Variants in GLRA1 observed in about 807,000 individuals in gnomAD.
GLRA1 encodes glycine receptor alpha 1, also known as glycine receptor subunit alpha-1.
In GLRA1, 37 loss-of-function variants were observed where a neutral mutation model predicts 48.3. The observed-to-expected ratio is 0.77, with a 90% CI of 0.59 to 1.01. The LOEUF is 1.01. GLRA1 is among the 50% of genes least tolerant of loss of function. GLRA1 has a pLI of 0.00. For synonymous variants in GLRA1, 196 were observed against 210.7 expected, an observed-to-expected ratio of 0.93 and a Z score of 0.60; for missense variants, 427 against 571.0, an observed-to-expected ratio of 0.75 and a Z score of 2.57.
chr5:151,837,495 A>C (rs1167025406), intron 7 of GLRA1, among the ~76,000 whole-genome samples: 1 of 152,222 alleles, frequency 6.6e-6, no homozygotes, highest in Admixed American at 6.5e-5. Context: ...TCATTCTACT[A>C]TAAAGACACA....
chr5:151,827,241 G>C (rs762437235), intron 8 of GLRA1, among the ~76,000 whole-genome samples: 1 of 151,620 alleles, frequency 6.6e-6, no homozygotes, highest in African/African-American at 2.4e-5. Flanking sequence ...TAAAACTAGG[G>C]GTCATTTAAG....
chr5:151,878,813 A>G (rs555341139), intron 3 of GLRA1, among the ~76,000 whole-genome samples: 2 of 152,340 alleles, frequency 1.3e-5, no homozygotes, highest in Admixed American at 6.5e-5. Context: ...CAGAAGGTGT[A>G]TGGAAACCCC....
intron 1 of GLRA1, among the ~76,000 whole-genome samples, chr5:151,901,709 G>A (rs1381870750): frequency 6.6e-6 from 1 of 152,174 alleles, no homozygotes; most frequent in East Asian, 1.9e-4. Flanking sequence ...TAGATATTGA[G>A]GAGACATAGC....
intron 8 of GLRA1, among the ~76,000 whole-genome samples, chr5:151,827,015 C>A (rs1561545233): frequency 1.5e-5 from 2 of 131,656 alleles, no homozygotes; most frequent in Non-Finnish European, 3.3e-5. Context: ...TGGTCAGTTT[C>A]TTTCTTTCTT....
At chr5:151,872,646 G>A (rs975495906) in intron 3 of GLRA1, among the ~76,000 whole-genome samples, 11 of 149,928 alleles carry the variant, frequency 7.3e-5, no homozygotes, top group Non-Finnish European at 1.6e-4. Flanking sequence ...AGCATGTCAA[G>A]AGAAAAGTGG....
intron 7 of GLRA1, among the ~76,000 whole-genome samples, chr5:151,834,711 T>C (rs920429591): frequency 6.6e-6 from 1 of 152,036 alleles, no homozygotes; most frequent in Non-Finnish European, 1.5e-5. Context: ...ATTAATAAAA[T>C]ATATAGACTG....
chr5:151,849,104 T>TTTTC (rs201652614), intron 7 of GLRA1: 14,269 of 116,864 alleles, frequency 0.12, 1,226 homozygotes, highest in Middle Eastern at 0.13. Flanking sequence ...ATTTCTTTTC[T>TTTTC]TTTCTTTCTT....
At chr5:151,827,528 A>G (rs1763307610) in intron 8 of GLRA1, among the ~76,000 whole-genome samples, 1 of 152,170 alleles carries the variant, frequency 6.6e-6, no homozygotes, top group Admixed American at 6.5e-5. Flanking sequence ...TCTCACCAGA[A>G]TTTCCCTTTA....
intron 1 of GLRA1, among the ~76,000 whole-genome samples, chr5:151,918,083 A>T (rs1433065397): frequency 6.6e-6 from 1 of 152,190 alleles, no homozygotes; most frequent in Non-Finnish European, 1.5e-5. Flanking sequence ...GACAATACCA[A>T]CTTTAGAAAA....
At chr5:151,867,983 T>C (rs1346154840) in intron 3 of GLRA1, among the ~76,000 whole-genome samples, 1 of 152,178 alleles carries the variant, frequency 6.6e-6, no homozygotes, top group Non-Finnish European at 1.5e-5. Context: ...AGAAAACAGG[T>C]ACAGAAAGAC....
At chr5:151,880,956 T>C (rs868189571) in intron 3 of GLRA1, among the ~76,000 whole-genome samples, 1 of 152,250 alleles carries the variant, frequency 6.6e-6, no homozygotes, top group Non-Finnish European at 1.5e-5. Context: ...CAGATACATG[T>C]GTATTCATAT....
chr5:151,924,712 A>AG lies in GLRA1; in HGVS notation c.-164dup. The AG allele has an allele frequency of 1.4e-6, 1 of 692,192 alleles. No homozygotes were observed. The highest frequency in any genetic ancestry group is 2.6e-6 in the Non-Finnish European group (1 of 378,566). The allele number at this position is 692,192 out of a possible 1,614,324, so 42.9% of individuals were successfully genotyped here. On this transcript the variant is annotated 5_prime_UTR_variant, in exon 1 of 9. Coordinates refer to ENST00000274576, the MANE Select transcript of GLRA1 (RefSeq NM_000171.4). ...GAGAGCCCCAGGGGAAATTGGAGCGAGGGGGTCGTAGATACCACGGACAGC... is the reference window on the plus strand; with the variant it reads ...GAGAGCCCCAGGGGAAATTGGAGCGAGGGGGGTCGTAGATACCACGGACAGC...
chr5:151,872,844 A>T (rs865862553), intron 3 of GLRA1, among the ~76,000 whole-genome samples: 1 of 149,898 alleles, frequency 6.7e-6, no homozygotes, highest in Non-Finnish European at 1.5e-5. Flanking sequence ...ATATGTAGCC[A>T]TGTCGAGAGA....
At chr5:151,897,884 A>T (rs1423136028) in intron 1 of GLRA1, among the ~76,000 whole-genome samples, 1 of 152,152 alleles carries the variant, frequency 6.6e-6, no homozygotes, top group Admixed American at 6.5e-5. Context: ...ATACAAATAG[A>T]TGGATGTTTA....
At chr5:151,843,644 G>T (rs1314168292) in intron 7 of GLRA1, among the ~76,000 whole-genome samples, 2 of 152,082 alleles carry the variant, frequency 1.3e-5, no homozygotes, top group East Asian at 3.9e-4. Flanking sequence ...AACAAAATTG[G>T]AGGACTCACA....
At chr5:151,829,088 A>G in intron 7 of GLRA1, 21 bp from the exon 8 acceptor site, 1 of 1,612,720 alleles carries the variant, frequency 6.2e-7, no homozygotes, top group Non-Finnish European at 8.5e-7. Flanking sequence ...GGTGGAGGAG[A>G]AACAGGGAGG....
At chr5:151,863,764 A>C (rs1479542479) in intron 3 of GLRA1, among the ~76,000 whole-genome samples, 1 of 152,170 alleles carries the variant, frequency 6.6e-6, no homozygotes, top group Non-Finnish European at 1.5e-5. Context: ...TGTTATCAGC[A>C]GGGATAAACT....
intron 5 of GLRA1, 128 bp from the exon 6 acceptor site, chr5:151,855,305 CT>C (rs57552809): frequency 9.5e-5 from 80 of 846,040 alleles, no homozygotes; most frequent in Admixed American, 3.7e-4. Context: ...GACCAGGTTC[CT>C]TTTTTTTCCT....
chr5:151,879,543 G>A (rs939102886), intron 3 of GLRA1, among the ~76,000 whole-genome samples: 2 of 151,918 alleles, frequency 1.3e-5, no homozygotes, highest in Non-Finnish European at 2.9e-5. Context: ...TAGAGATGAG[G>A]TTTCACCATA....
Sources: allele counts gnomAD v4.1 joint callset (sites outside exome capture counted in the v4.1 genomes callset), GRCh38; gene constraint gnomAD v4.1.1; transcripts MANE v1.5; gene names NCBI Gene and HGNC (gene_info 2026-07-23, HGNC 2026-07-21).